Variants in TBC1D16 observed in about 807,000 individuals in gnomAD.
TBC1D16 encodes the protein CTD-2529O21.1.
In TBC1D16, 58 loss-of-function variants were observed where a neutral mutation model predicts 74.7. The ratio of observed to expected loss-of-function variants is 0.78; its 90% CI spans 0.63 to 0.97. The LOEUF is 0.97. TBC1D16 is among the 50% of genes least tolerant of loss of function. TBC1D16 has a pLI of 0.00. For synonymous variants in TBC1D16, 493 were observed against 474.7 expected (o/e 1.04, Z -0.50); for missense variants, 1,014 against 1,079.5 (o/e 0.94, Z 0.85).
chr17:79,998,912 T>G (rs987924343), intron 3 of TBC1D16, among the ~76,000 whole-genome samples: 4 of 152,288 alleles, frequency 2.6e-5, no homozygotes, highest in African/African-American at 9.6e-5. Flanking sequence ...AGGAGAATAT[T>G]TCACAACACA....
At position 79,938,729 on chromosome 17, in the gene TBC1D16, C is replaced by T. The variant is rs1388505393; in HGVS notation, c.*2130G>A. On this transcript the variant is annotated 3_prime_UTR_variant, in exon 12 of 12. Coordinates refer to ENST00000310924, the MANE Select transcript of TBC1D16 (RefSeq NM_019020.4). ...AATAAAGTGGCAGGCCTGTCCCCCA[C>T]CCCTTAATGCTGAGCCCAGCCACGT... 3 of 152,292 alleles carry T rather than the reference C, an allele frequency of 2.0e-5. No individual in the cohort carries two copies. Among genetic ancestry groups the T allele is most frequent in the Admixed American group, 6.5e-5 (1 of 15,290 alleles). The allele number at this position is 152,292 out of a possible 1,614,324, so 9.4% of individuals were successfully genotyped here.
In TBC1D16 at chr17:79,986,462, G is replaced by A. The variant is rs983268076; in HGVS notation, c.779+23698C>T. On this transcript the variant is annotated intron_variant, in intron 3 of 11. Coordinates refer to ENST00000310924, the MANE Select transcript of TBC1D16 (RefSeq NM_019020.4). The surrounding 1 kb of genome is among the most constrained non-coding windows in gnomAD (Gnocchi z 6.0). ...GTTGCAGTGGTGGGTAAGAGGCCCCGGGATTATTTTTGGAGGGCCCCTCCC... is the reference window on the plus strand; with the variant it reads ...GTTGCAGTGGTGGGTAAGAGGCCCCAGGATTATTTTTGGAGGGCCCCTCCC... Among the ~76,000 whole-genome samples the A allele has an allele frequency of 2.0e-5, 3 of 152,172 alleles. No individual in the cohort carries two copies. The highest frequency in any genetic ancestry group is 4.8e-5 in the African/African-American group (2 of 41,432).
intron 3 of TBC1D16, among the ~76,000 whole-genome samples, chr17:79,970,722 C>T (rs551703570): frequency 3.9e-5 from 6 of 152,204 alleles, no homozygotes; most frequent in South Asian, 4.2e-4. Flanking sequence ...GAGAGGTGGA[C>T]CTGGGGGTCC....
Position 79,940,860 on chromosome 17 carries a change from T to C in TBC1D16, c.2303A>G (p.Ter768TrpextTer10), listed in dbSNP as rs769037123. ...TPQDGFGFRR* is the reference protein window; with the variant it reads ...TPQDGFGFRRW ...CCTGTCCGGTGTCGGGGGCCCGACC[T>C]ATCTGCGGAAGCCGAAGCCGTCCTG... Residue 768 changes from the stop codon to tryptophan, a stop_lost, in exon 12 of 12, where the codon TAG (stop) becomes TGG (tryptophan). Coordinates refer to ENST00000310924, the MANE Select transcript of TBC1D16 (RefSeq NM_019020.4). This position sits in a 1 kb window ranked among gnomAD's most constrained non-coding sequence, Gnocchi z 5.4. 1.9e-6 allele frequency: 3 copies of C among 1,538,766 alleles called. No individual in the cohort carries two copies. The highest frequency in any genetic ancestry group is 3.6e-5 in the Admixed American group (2 of 54,944).
intron 3 of TBC1D16, among the ~76,000 whole-genome samples, chr17:79,973,870 C>A (rs1033981099): frequency 1.2e-4 from 18 of 152,066 alleles, no homozygotes; most frequent in Non-Finnish European, 2.6e-4. Context: ...AAAACAAAAC[C>A]AAAACCCTCC....
rs772706031 is a variant in TBC1D16, at chr17:80,010,345, C to T, written c.594G>A (p.Glu198=). The change falls in exon 3 of 12, where the codon GAG becomes GAA. Residue 198 remains glutamate, a synonymous_variant. Transcript: ENST00000310924. The surrounding 1 kb of genome is among the most constrained non-coding windows in gnomAD (Gnocchi z 8.8). ...STVSPQDVTE[E]GREPRPEAGE... ...CGGCCTCGGGCCGCGGCTCCCGCCCCTCCTCGGTGACATCCTGCGGACTGA... is the reference window on the plus strand; with the variant it reads ...CGGCCTCGGGCCGCGGCTCCCGCCCTTCCTCGGTGACATCCTGCGGACTGA... 5.6e-6 allele frequency: 9 copies of T among 1,612,042 alleles called. No homozygotes were observed. Among genetic ancestry groups the T allele is most frequent in the Non-Finnish European group, 7.6e-6 (9 of 1,179,240 alleles).
At chr17:79,997,409 C>T (rs1159990792) in intron 3 of TBC1D16, among the ~76,000 whole-genome samples, 2 of 151,620 alleles carry the variant, frequency 1.3e-5, no homozygotes, top group Non-Finnish European at 2.9e-5. Context: ...TTAAACGTGG[C>T]TAATGGAAAA....
In TBC1D16 at chr17:79,983,539, G is replaced by A. The variant is rs913796234; in HGVS notation, c.779+26621C>T. On this transcript the variant is annotated intron_variant, in intron 3 of 11. Coordinates refer to ENST00000310924, the MANE Select transcript of TBC1D16 (RefSeq NM_019020.4). This position sits in a 1 kb window ranked among gnomAD's most constrained non-coding sequence, Gnocchi z 5.6. ...TGAGCACCCGCAGCACCTCAGGCAC[G>A]GGGAGCTGAGCCACCGACGGCTACA... Among the ~76,000 whole-genome samples the A allele has an allele frequency of 2.6e-5, 4 of 152,340 alleles. No homozygotes were observed. Among genetic ancestry groups the A allele is most frequent in the East Asian group, 1.9e-4 (1 of 5,176 alleles).
At chr17:80,031,298 G>C (rs1321674913) in intron 1 of TBC1D16, among the ~76,000 whole-genome samples, 4 of 152,220 alleles carry the variant, frequency 2.6e-5, no homozygotes, top group Admixed American at 1.3e-4. Flanking sequence ...AGAAAATAAA[G>C]ATACTGGCTG....
chr17:79,960,779 CAAAAAAAAAAAAAAAAAAA>C (rs746450905), intron 3 of TBC1D16, among the ~76,000 whole-genome samples: 2 of 33,948 alleles, frequency 5.9e-5, no homozygotes, highest in African/African-American at 2.1e-4. Flanking sequence ...AACAAAAACC[CAAAAAAAAAAAAAAAAAAA>C]AAAAAAAAAA....
At chr17:79,958,366 C>T (rs1215111936) in intron 3 of TBC1D16, among the ~76,000 whole-genome samples, 2 of 151,974 alleles carry the variant, frequency 1.3e-5, no homozygotes, top group African/African-American at 4.8e-5. Flanking sequence ...ATTACAGGCG[C>T]CTGCCACCAT....
At chr17:80,034,976 C>A (rs941818722) in intron 1 of TBC1D16, among the ~76,000 whole-genome samples, 12 of 152,238 alleles carry the variant, frequency 7.9e-5, no homozygotes, top group African/African-American at 2.9e-4. Flanking sequence ...CCCAGCTTCT[C>A]ATTTGAACTT....
rs148227559 is a variant in TBC1D16, at chr17:79,980,251, G to T, written c.780-27433C>A. Among the ~76,000 whole-genome samples the T allele has an allele frequency of 3.1e-3, 475 of 152,320 alleles. No individual in the cohort carries two copies. The highest frequency in any genetic ancestry group is 0.014 in the Middle Eastern group (4 of 294). ...TGACTAAATTTAGGTGTTCCCCTTA[G>T]GCATCTGATTAAATTTCATGAACTC... On this transcript the variant is annotated intron_variant, in intron 3 of 11. Transcript: ENST00000310924. This position sits in a 1 kb window ranked among gnomAD's most constrained non-coding sequence, Gnocchi z 7.0.
rs2032335619 is a variant in TBC1D16 at position 79,944,504 on chromosome 17, A to T, written c.1908+404T>A. Among the ~76,000 whole-genome samples, 1 of 152,166 alleles carries T rather than the reference A, an allele frequency of 6.6e-6. No homozygotes were observed. On this transcript the variant is annotated intron_variant, in intron 10 of 11. Coordinates refer to ENST00000310924, the MANE Select transcript of TBC1D16 (RefSeq NM_019020.4). This position sits in a 1 kb window ranked among gnomAD's most constrained non-coding sequence, Gnocchi z 7.7. ...GGGATCTCAGGCCCTTTCTCTGCAC[A>T]GCAGGGTAACGGGTGAGTCGGCCCT...
At chr17:80,031,341 A>G (rs1005364184) in intron 1 of TBC1D16, among the ~76,000 whole-genome samples, 1 of 152,220 alleles carries the variant, frequency 6.6e-6, no homozygotes, top group African/African-American at 2.4e-5. Context: ...TACACCCGGA[A>G]AGCCTGGGGC....
rs768441834 is a variant in TBC1D16 at position 79,944,923 on chromosome 17, G to A, written c.1893C>T (p.Cys631=). Residue 631 remains cysteine, a synonymous_variant, in exon 10 of 12, where the codon TGC becomes TGT. Transcript: ENST00000310924. The surrounding 1 kb of genome is among the most constrained non-coding windows in gnomAD (Gnocchi z 7.7). ...CCCTGGTCACCTGGTAGTGGGCCCAGCAGGCCTCCCAGATCCGCAGCGCTT... is the reference window on the plus strand; with the variant it reads ...CCCTGGTCACCTGGTAGTGGGCCCAACAGGCCTCCCAGATCCGCAGCGCTT... ...EAEALRIWEA[C]WAHYQTDYFH... is the part of the protein sequence containing the mutation. 9 of 1,551,244 alleles carry A rather than the reference G, an allele frequency of 5.8e-6. No homozygotes were observed. The highest frequency in any genetic ancestry group is 7.8e-6 in the Non-Finnish European group (9 of 1,147,392).
rs1158519411 is a variant in TBC1D16 at position 79,937,929 on chromosome 17, A to C, written c.*2930T>G. The C allele has an allele frequency of 6.6e-6, 1 of 152,234 alleles. No homozygotes were observed. The highest frequency in any genetic ancestry group is 1.9e-4 in the East Asian group (1 of 5,196). The allele number at this position is 152,234 out of a possible 1,614,324, so 9.4% of individuals were successfully genotyped here. On this transcript the variant is annotated 3_prime_UTR_variant, in exon 12 of 12. Coordinates refer to ENST00000310924, the MANE Select transcript of TBC1D16 (RefSeq NM_019020.4). ...GAGCTGCACCACGCATCAACTTTTA[A>C]GTATGCGCACACACGTACGCCAGCC...
At chr17:79,976,204 C>T (rs2034323259) in intron 3 of TBC1D16, among the ~76,000 whole-genome samples, 1 of 152,252 alleles carries the variant, frequency 6.6e-6, no homozygotes, top group Non-Finnish European at 1.5e-5. Flanking sequence ...TCTGTTGGTA[C>T]CCTACATGTC....
chr17:79,976,876 T>C (rs1031920729), intron 3 of TBC1D16, among the ~76,000 whole-genome samples: 1 of 152,070 alleles, frequency 6.6e-6, no homozygotes, highest in African/African-American at 2.4e-5. Flanking sequence ...TGCTGCTCCA[T>C]CCCAGCCCCT....
Sources: gnomAD v4.1 joint callset for allele counts (sites outside exome capture counted in the v4.1 genomes callset) on GRCh38, gnomAD v4.1.1 for gene constraint, Gnocchi (gnomAD v3.1) non-coding constraint, MANE v1.5 for transcripts, NCBI Gene and HGNC (gene_info 2026-07-23, HGNC 2026-07-21) for gene names.